Variants in TAOK3 observed in about 807,000 individuals in gnomAD.
TAOK3 encodes TAO kinase 3, also known as serine/threonine-protein kinase TAO3.
In TAOK3, 40 loss-of-function variants were observed where a neutral mutation model predicts 120.4. That is an observed-to-expected ratio of 0.33 (90% CI 0.26 to 0.43). TAOK3 has a LOEUF of 0.43. TAOK3 is among the 20% of genes least tolerant of loss of function. The pLI is 1.00. For missense variants in TAOK3, 821 were observed against 1,112.1 expected (o/e 0.74, Z 3.72); for synonymous variants, 355 against 387.5 (o/e 0.92, Z 0.99).
chr12:118,308,360 T>C (rs978594852), intron 1 of TAOK3, among the ~76,000 whole-genome samples: 15 of 152,152 alleles, frequency 9.9e-5, no homozygotes, highest in South Asian at 4.2e-4. Context: ...GTCTGTGGAG[T>C]AGCCATTCTT....
Position 118,300,851 on chromosome 12 carries a change from C to T in TAOK3, c.-193-34092G>A, listed in dbSNP as rs150509556. Among the ~76,000 whole-genome samples, 129 of 152,278 alleles carry T rather than the reference C, an allele frequency of 8.5e-4. 2 individuals are homozygous for T. The highest frequency in any genetic ancestry group is 6.9e-3 in the Admixed American group (106 of 15,286). ...AGTGCAATGGCACAATCTTGGCTCA[C>T]TACCACCTCTGCCTCCTGGGTTCAA... On this transcript the variant is annotated intron_variant, in intron 1 of 20. Coordinates refer to ENST00000392533, the MANE Select transcript of TAOK3 (RefSeq NM_016281.4).
In TAOK3 at chr12:118,151,109, T is replaced by C. The variant is rs1340411686; in HGVS notation, c.2585A>G (p.Lys862Arg). ...ALQKERSERI[K>R]NLLERQEREI... ...TCGCTCTTGCCTTTCCAATAGGTTC[T>C]TTATTCTCTCGCTGCGTTCCTTCTG... Residue 862 changes from lysine to arginine, a missense_variant, in exon 21 of 21, where the codon AAG (lysine) becomes AGG (arginine). This residue lies in a region of TAOK3 where 354 missense variants were observed against 572.1 expected (regional missense o/e 0.62). Transcript: ENST00000392533. 6.2e-7 allele frequency: 1 copy of C among 1,614,074 alleles called. No individual in the cohort carries two copies. Among genetic ancestry groups the C allele is most frequent in the Non-Finnish European group, 8.5e-7 (1 of 1,180,030 alleles).
At chr12:118,321,108 A>G (rs2043684737) in intron 1 of TAOK3, among the ~76,000 whole-genome samples, 2 of 152,238 alleles carry the variant, frequency 1.3e-5, no homozygotes, top group Non-Finnish European at 2.9e-5. Context: ...CAAACTGCTT[A>G]TAGTGGCTAT....
At chr12:118,280,095 C>A (rs1344268050) in intron 1 of TAOK3, among the ~76,000 whole-genome samples, 2 of 145,004 alleles carry the variant, frequency 1.4e-5, no homozygotes, top group African/African-American at 5.1e-5. Flanking sequence ...TGGAGTCTCG[C>A]TCTGTCGACA....
chr12:118,235,689 A>G lies in TAOK3; in HGVS notation c.438-18T>C. On this transcript the variant is annotated intron_variant, in intron 7 of 20. Transcript: ENST00000392533. ...TAATATCCCTATAGGAAAAAAAAAAAGGGTTAGAAAATTACTTTTCAATTT... is the reference window on the plus strand; with the variant it reads ...TAATATCCCTATAGGAAAAAAAAAAGGGGTTAGAAAATTACTTTTCAATTT... 4 of 1,494,728 alleles carry G rather than the reference A, an allele frequency of 2.7e-6. No homozygotes were observed. The highest frequency in any genetic ancestry group is 2.8e-6 in the Non-Finnish European group (3 of 1,082,140). 92.6% of individuals were successfully genotyped at this position (1,494,728 alleles called of 1,614,324 possible).
chr12:118,176,840 C>T (rs2036370649), intron 16 of TAOK3, among the ~76,000 whole-genome samples: 2 of 151,758 alleles, frequency 1.3e-5, no homozygotes, highest in South Asian at 4.2e-4. Flanking sequence ...GATCTCAGCT[C>T]ACTGCAACCT....
At chr12:118,323,897 T>C (rs1160052138) in intron 1 of TAOK3, among the ~76,000 whole-genome samples, 2 of 152,010 alleles carry the variant, frequency 1.3e-5, no homozygotes, top group Non-Finnish European at 2.9e-5. Flanking sequence ...TTAAGAGGAA[T>C]AACATATGGG....
intron 4 of TAOK3, among the ~76,000 whole-genome samples, 169 bp from the exon 5 acceptor site, chr12:118,243,685 G>A (rs2040352458): frequency 6.6e-6 from 1 of 151,770 alleles, no homozygotes; most frequent in African/African-American, 2.4e-5. Context: ...CTCTCTTTTT[G>A]TTTTTAATTG....
intron 16 of TAOK3, among the ~76,000 whole-genome samples, chr12:118,176,325 G>T (rs750684057): frequency 3.9e-5 from 6 of 152,176 alleles, no homozygotes; most frequent in Admixed American, 6.6e-5. Context: ...GGCTGGTGCA[G>T]CGAAGAGTGG....
At chr12:118,296,576 A>T (rs996696352) in intron 1 of TAOK3, among the ~76,000 whole-genome samples, 1 of 152,208 alleles carries the variant, frequency 6.6e-6, no homozygotes, top group Non-Finnish European at 1.5e-5. Flanking sequence ...CTGACAATGT[A>T]ACACCTAGGC....
At chr12:118,226,370 C>T (rs1227400504) in intron 9 of TAOK3, among the ~76,000 whole-genome samples, 2 of 150,290 alleles carry the variant, frequency 1.3e-5, no homozygotes, top group Non-Finnish European at 3.0e-5. Flanking sequence ...AGCGAGACTC[C>T]GTCTCAAAAA....
chr12:118,340,201 A>G (rs750492075), intron 1 of TAOK3, among the ~76,000 whole-genome samples: 2 of 152,348 alleles, frequency 1.3e-5, no homozygotes, highest in Middle Eastern at 3.4e-3. Context: ...TGTTTGTGAT[A>G]AGATGCAGAT....
Position 118,150,925 on chromosome 12 carries a change from G to A in TAOK3, c.*72C>T. 3.5e-6 allele frequency: 5 copies of A among 1,445,392 alleles called. No individual in the cohort carries two copies. The highest frequency in any genetic ancestry group is 4.6e-6 in the Non-Finnish European group (5 of 1,077,558). 89.5% of individuals were successfully genotyped at this position (1,445,392 alleles called of 1,614,324 possible). ...AACGCCCGTTAAAATGGGGAATGTG[G>A]TTTTGCAGGGTCTGAATTTTTTTCT... On this transcript the variant is annotated 3_prime_UTR_variant, in exon 21 of 21. Coordinates refer to ENST00000392533, the MANE Select transcript of TAOK3 (RefSeq NM_016281.4).
At chr12:118,209,717 C>CT (rs34444685) in intron 11 of TAOK3, among the ~76,000 whole-genome samples, 95,822 of 142,598 alleles carry the variant, frequency 0.67, 31,872 homozygotes, top group South Asian at 0.71. Context: ...TCTTCTTCTT[C>CT]TTTTTTTTTT....
rs1483535780 is a variant in TAOK3 at position 118,199,190 on chromosome 12, C to T, written c.1055G>A (p.Ser352Asn). Residue 352 changes from serine to asparagine, a missense_variant, in exon 13 of 21, where the codon AGC becomes AAC. Coordinates refer to ENST00000392533, the MANE Select transcript of TAOK3 (RefSeq NM_016281.4). ...DSLGSNHSIPSMSVSTGSQSS... is the reference protein window; with the variant it reads ...DSLGSNHSIPNMSVSTGSQSS... ...CTGGCTGCCTGTGCTCACGGACATG[C>T]TTGGAATGGAATGGTTGCTGCCCAG... 1.2e-6 allele frequency: 2 copies of T among 1,614,110 alleles called. No individual in the cohort carries two copies. Among genetic ancestry groups the T allele is most frequent in the South Asian group, 1.1e-5 (1 of 91,080 alleles).
At chr12:118,246,355 C>A in intron 3 of TAOK3, 1 of 1,603,670 alleles carries the variant, frequency 6.2e-7, no homozygotes, top group East Asian at 2.2e-5. Flanking sequence ...ATTAAGGAAT[C>A]AGAGATCATT....
intron 1 of TAOK3, among the ~76,000 whole-genome samples, chr12:118,339,665 A>G (rs2044529520): frequency 6.6e-6 from 1 of 151,798 alleles, no homozygotes. Context: ...TCCCGGGTTC[A>G]AGCGATTCTG....
chr12:118,300,693 G>A (rs2140687906), intron 1 of TAOK3, among the ~76,000 whole-genome samples: 1 of 152,060 alleles, frequency 6.6e-6, no homozygotes, highest in South Asian at 2.1e-4. Context: ...AGTTGTATGT[G>A]TCTATCACCT....
rs142571136 is a variant in TAOK3, at chr12:118,255,563, C to T, written c.5G>A (p.Arg2His). M[R>H]KGVLKDPEIA... ...CTCTGGGTCCTTCAGCACCCCTTTA[C>T]GCATGATGGCCAGTAGAGCAGGCTC... Residue 2 changes from arginine to histidine, a missense_variant, in exon 3 of 21, where the codon CGT becomes CAT. Arg to His is a conservative substitution (Grantham distance 29). This residue lies in a region of TAOK3 where 467 missense variants were observed against 540.0 expected (regional missense o/e 0.86). Coordinates refer to ENST00000392533, the MANE Select transcript of TAOK3 (RefSeq NM_016281.4). 1.1e-4 allele frequency: 175 copies of T among 1,612,428 alleles called. No homozygotes were observed. Among genetic ancestry groups the T allele is most frequent in the African/African-American group, 2.1e-4 (16 of 74,974 alleles).
Sources: allele counts gnomAD v4.1 joint callset (sites outside exome capture counted in the v4.1 genomes callset), GRCh38; gene constraint gnomAD v4.1.1; regional missense constraint gnomAD v4.1.1; transcripts MANE v1.5; gene names NCBI Gene and HGNC (gene_info 2026-07-23, HGNC 2026-07-21).